Variants in TRPC4 observed in about 807,000 individuals in gnomAD.
TRPC4 encodes the protein short transient receptor potential channel 4.
Under a neutral mutation model 99.4 loss-of-function variants are expected in TRPC4, and 49 were observed. The ratio of observed to expected loss-of-function variants is 0.49; its 90% confidence interval spans 0.39 to 0.63. The LOEUF is 0.63. Ranked by LOEUF, TRPC4 falls within the 20% of genes least tolerant of loss-of-function variation. TRPC4 has a pLI of 0.00. For synonymous variants in TRPC4, 454 were observed against 425.9 expected, an observed-to-expected ratio of 1.07 and a Z score of -0.81; for missense variants, 898 against 1,152.9, an observed-to-expected ratio of 0.78 and a Z score of 3.20.
rs114218455 is a variant in TRPC4, at chr13:37,691,865, G to A, written c.1234+134C>T. ...AATAGTTGTTTGGCTTTGGGGGTGA[G>A]GTTCTTGGAGCTACAATAGTCAGAA... On this transcript the variant is annotated intron_variant, in intron 4 of 10. Transcript: ENST00000379705. The A allele has an allele frequency of 2.5e-3, 2,161 of 873,212 alleles. 52 individuals are homozygous for A. In the African/African-American group the frequency reaches 0.034, roughly 14 times the overall value. The allele number at this position is 873,212 out of a possible 1,614,324, so 54.1% of individuals were successfully genotyped here.
chr13:37,784,757 A>G (rs1464372056), intron 1 of TRPC4, among the ~76,000 whole-genome samples: 4 of 152,020 alleles, frequency 2.6e-5, no homozygotes, highest in Non-Finnish European at 5.9e-5. Flanking sequence ...ATTTAATAAT[A>G]TTTTTATTTT....
At chr13:37,716,572 C>T (rs1189373876) in intron 3 of TRPC4, among the ~76,000 whole-genome samples, 1 of 152,060 alleles carries the variant, frequency 6.6e-6, no homozygotes, top group East Asian at 1.9e-4. Context: ...TCTGAACCTA[C>T]ATAGTATCTT....
chr13:37,753,700 G>A (rs1339791287), intron 2 of TRPC4, among the ~76,000 whole-genome samples: 2 of 152,088 alleles, frequency 1.3e-5, no homozygotes, highest in Non-Finnish European at 2.9e-5. Flanking sequence ...GATGCCCTGA[G>A]AGTCCTCTGA....
intron 1 of TRPC4, among the ~76,000 whole-genome samples, chr13:37,823,990 C>T (rs942623134): frequency 2.2e-5 from 3 of 137,368 alleles, no homozygotes; most frequent in Non-Finnish European, 4.7e-5. Flanking sequence ...TCCTTCACAT[C>T]GTTTGTAAGT....
At chr13:37,791,556 G>A (rs74349733) in intron 1 of TRPC4, among the ~76,000 whole-genome samples, 3,874 of 152,186 alleles carry the variant, frequency 0.025, 59 homozygotes, top group Middle Eastern at 0.072. Flanking sequence ...GTCAAGATTT[G>A]TGTTTCAAAC....
intron 1 of TRPC4, among the ~76,000 whole-genome samples, chr13:37,809,423 C>A (rs1161309642): frequency 6.7e-6 from 1 of 149,868 alleles, no homozygotes; most frequent in African/African-American, 2.4e-5. Flanking sequence ...TGATGGAAAT[C>A]ATTACCAAAA....
intron 1 of TRPC4, among the ~76,000 whole-genome samples, chr13:37,795,108 T>C (rs979037805): frequency 6.6e-6 from 1 of 152,172 alleles, no homozygotes; most frequent in Non-Finnish European, 1.5e-5. Context: ...TTAAAAGAAT[T>C]AAACACATAT....
intron 1 of TRPC4, among the ~76,000 whole-genome samples, chr13:37,857,906 T>G (rs750822940): frequency 2.0e-5 from 3 of 151,526 alleles, no homozygotes; most frequent in Non-Finnish European, 4.4e-5. Flanking sequence ...AAAGCAGAAA[T>G]GGACAAATGG....
rs1298238125 is a variant in TRPC4, at chr13:37,726,196, C to CG, written c.897+19740_897+19741insC. Among the ~76,000 whole-genome samples, 653 of 148,316 alleles carry CG rather than the reference C, an allele frequency of 4.4e-3. 19 individuals are homozygous for CG. Among genetic ancestry groups the CG allele is most frequent in the Admixed American group, 0.016 (236 of 14,506 alleles). ...GGGCGACAGAGTGAGACACCGTCCC[C>CG]CCCCAAAAAAAAAAGTTAGTATTAT... On this transcript the variant is annotated intron_variant, in intron 3 of 10. Coordinates refer to ENST00000379705, the MANE Select transcript of TRPC4 (RefSeq NM_016179.4).
At chr13:37,704,968 A>G (rs867393387) in intron 3 of TRPC4, among the ~76,000 whole-genome samples, 3 of 152,158 alleles carry the variant, frequency 2.0e-5, no homozygotes, top group Admixed American at 6.6e-5. Context: ...AAGAAGTGAA[A>G]TCATTATGTC....
In TRPC4 at chr13:37,663,684, T is replaced by A; in HGVS notation, c.1420A>T (p.Thr474Ser). Residue 474 changes from threonine (T) to serine (S), a missense_variant, in exon 6 of 11, where the codon ACT becomes TCT. By Grantham distance (58) the Thr-to-Ser change is moderately conservative. Transcript: ENST00000379705. ...PRESWDMWHPTLVAEALFAIA... is the reference protein window; with the variant it reads ...PRESWDMWHPSLVAEALFAIA... ...GCAAATAAAGCCTCTGCCACCAGAGTGGGATGCCACATGTCCCATGATTCT... is the reference window on the plus strand; with the variant it reads ...GCAAATAAAGCCTCTGCCACCAGAGAGGGATGCCACATGTCCCATGATTCT... 1 of 1,613,978 alleles carries A rather than the reference T, an allele frequency of 6.2e-7. No individual in the cohort carries two copies. The highest frequency in any genetic ancestry group is 1.1e-5 in the South Asian group (1 of 91,078).
At chr13:37,824,528 A>C (rs1038467310) in intron 1 of TRPC4, among the ~76,000 whole-genome samples, 3 of 152,070 alleles carry the variant, frequency 2.0e-5, no homozygotes, top group African/African-American at 7.2e-5. Context: ...CTATTGAGAT[A>C]ATCATGTGGT....
intron 3 of TRPC4, among the ~76,000 whole-genome samples, chr13:37,712,437 T>C (rs888979083): frequency 2.0e-5 from 3 of 152,232 alleles, no homozygotes; most frequent in Admixed American, 6.5e-5. Context: ...CAGATAGCCC[T>C]GCCTAGGCAA....
At chr13:37,643,621 T>G (rs1262043641) in intron 8 of TRPC4, among the ~76,000 whole-genome samples, 1 of 152,188 alleles carries the variant, frequency 6.6e-6, no homozygotes, top group Non-Finnish European at 1.5e-5. Flanking sequence ...TTATGGAGAC[T>G]TCTGGCAGGA....
chr13:37,682,756 T>C (rs575570772), intron 4 of TRPC4, among the ~76,000 whole-genome samples: 133 of 152,092 alleles, frequency 8.7e-4, no homozygotes, highest in African/African-American at 3.1e-3. Context: ...TTTGTCGTTG[T>C]TGTTATTTTT....
At chr13:37,828,237 G>C (rs1012060467) in intron 1 of TRPC4, among the ~76,000 whole-genome samples, 1 of 152,160 alleles carries the variant, frequency 6.6e-6, no homozygotes, top group African/African-American at 2.4e-5. Context: ...CGTCTTCTGC[G>C]TTGCTCACGC....
intron 1 of TRPC4, among the ~76,000 whole-genome samples, chr13:37,784,697 A>G (rs1241015544): frequency 7.9e-5 from 12 of 152,016 alleles, no homozygotes; most frequent in Non-Finnish European, 4.4e-5. Flanking sequence ...TGATTTGTAT[A>G]ATGTTTTAAC....
At chr13:37,816,763 A>C (rs1209833147) in intron 1 of TRPC4, among the ~76,000 whole-genome samples, 1 of 152,040 alleles carries the variant, frequency 6.6e-6, no homozygotes, top group East Asian at 1.9e-4. Context: ...ACAGAACTAA[A>C]GACAAAAACC....
At chr13:37,785,855 GATAAAA>G (rs1235681193) in intron 1 of TRPC4, among the ~76,000 whole-genome samples, 1 of 151,870 alleles carries the variant, frequency 6.6e-6, no homozygotes, top group African/African-American at 2.4e-5. Flanking sequence ...GAAGAGGGAA[GATAAAA>G]ATAAATTAAG....
Sources: allele counts gnomAD v4.1 joint callset (sites outside exome capture counted in the v4.1 genomes callset), GRCh38; gene constraint gnomAD v4.1.1; transcripts MANE v1.5; gene names NCBI Gene and HGNC (gene_info 2026-07-23, HGNC 2026-07-21).